PTPRD: variants seen among roughly 807,000 people sequenced by gnomAD.
PTPRD encodes the protein protein tyrosine phosphatase receptor type D.
In PTPRD, 34 loss-of-function variants were observed where a neutral mutation model predicts 214.5. The observed-to-expected ratio is 0.16, with a 90% CI of 0.12 to 0.21. PTPRD has a LOEUF of 0.21. Among genes scored for constraint, PTPRD ranks in the 10% least tolerant of loss-of-function variants. The probability of loss-of-function intolerance (pLI) is 1.00; values close to 1 mark genes in which losing one functional copy is unlikely to be tolerated. For synonymous variants in PTPRD, 1,128 were observed against 845.7 expected (o/e 1.33, Z -5.79); for missense variants, 2,545 against 2,398.7 (o/e 1.06, Z -1.27).
chr9:8,702,348 G>T (rs116041219), intron 12 of PTPRD, among the ~76,000 whole-genome samples: 1,823 of 152,016 alleles, frequency 0.012, 31 homozygotes, highest in African/African-American at 0.042. Context: ...ATCTTCTGTG[G>T]TCTTTTTTTT....
intron 9 of PTPRD, among the ~76,000 whole-genome samples, chr9:9,197,703 G>A (rs2099939437): frequency 6.6e-6 from 1 of 152,182 alleles, no homozygotes; most frequent in Non-Finnish European, 1.5e-5. Context: ...GAGCCACCAT[G>A]TCCGGCCTAT....
chr9:9,102,660 A>G (rs550631585), intron 10 of PTPRD, among the ~76,000 whole-genome samples: 1 of 152,354 alleles, frequency 6.6e-6, no homozygotes, highest in East Asian at 1.9e-4. Context: ...TTTACCAATG[A>G]CAACATTTTC....
chr9:8,660,917 G>C (rs1457134509), intron 12 of PTPRD, among the ~76,000 whole-genome samples: 1 of 151,892 alleles, frequency 6.6e-6, no homozygotes, highest in East Asian at 1.9e-4. Context: ...CCTTCATATG[G>C]CATCTCAGAC....
intron 3 of PTPRD, among the ~76,000 whole-genome samples, chr9:10,326,713 G>T (rs1313914149): frequency 6.6e-6 from 1 of 151,394 alleles, no homozygotes; most frequent in Non-Finnish European, 1.5e-5. Context: ...CTCAGAAAAT[G>T]CCTCTTTCAT....
intron 2 of PTPRD, among the ~76,000 whole-genome samples, chr9:10,421,862 C>T (rs1021240636): frequency 6.6e-6 from 1 of 151,574 alleles, no homozygotes; most frequent in African/African-American, 2.4e-5. Context: ...TATTCATATG[C>T]CAATAACAGC....
chr9:10,241,729 T>C (rs1335229259), intron 3 of PTPRD, among the ~76,000 whole-genome samples: 1 of 151,870 alleles, frequency 6.6e-6, no homozygotes, highest in African/African-American at 2.4e-5. Flanking sequence ...ACCAAGAAAC[T>C]TTTGGGGATG....
chr9:10,100,008 C>A (rs116891094), intron 3 of PTPRD, among the ~76,000 whole-genome samples: 1 of 151,664 alleles, frequency 6.6e-6, no homozygotes, highest in South Asian at 2.1e-4. Context: ...AATTCACCTT[C>A]TCCCAAATGT....
At chr9:9,114,353 G>A (rs554403357) in intron 10 of PTPRD, among the ~76,000 whole-genome samples, 7 of 152,102 alleles carry the variant, frequency 4.6e-5, no homozygotes, top group Non-Finnish European at 7.4e-5. Context: ...GATAAGAATC[G>A]TTTTTAGAGG....
intron 9 of PTPRD, among the ~76,000 whole-genome samples, chr9:9,311,968 T>C (rs1959152474): frequency 6.6e-6 from 1 of 152,232 alleles, no homozygotes; most frequent in African/African-American, 2.4e-5. Flanking sequence ...TTATAAATTA[T>C]GCTAAATGTA....
Position 8,685,626 on chromosome 9 carries a change from C to A in PTPRD, c.64+48154G>T, listed in dbSNP as rs142805156. 5.1e-3 allele frequency among the ~76,000 whole-genome samples: 781 copies of A among 152,220 alleles called. 8 individuals are homozygous for A. Among genetic ancestry groups the A allele is most frequent in the East Asian group, 0.015 (78 of 5,164 alleles). Reference sequence around the variant, plus strand: ...TTACCATAAATGGCCTGTTTTAAAACTGACTGAACAGTGGACTTGAATAAA... The same window carrying A: ...TTACCATAAATGGCCTGTTTTAAAAATGACTGAACAGTGGACTTGAATAAA... On this transcript the variant is annotated intron_variant, in intron 12 of 45. Transcript: ENST00000381196.
At chr9:10,280,564 T>G (rs1429192234) in intron 3 of PTPRD, among the ~76,000 whole-genome samples, 5 of 152,140 alleles carry the variant, frequency 3.3e-5, no homozygotes, top group African/African-American at 7.2e-5. Context: ...TGGGCTCCAC[T>G]CCCAGAGTCT....
intron 14 of PTPRD, among the ~76,000 whole-genome samples, chr9:8,551,395 T>C (rs2082068382): frequency 6.6e-6 from 1 of 152,228 alleles, no homozygotes; most frequent in Non-Finnish European, 1.5e-5. Context: ...ATTTTATTTT[T>C]GCTGTTTTCA....
intron 5 of PTPRD, among the ~76,000 whole-genome samples, chr9:9,791,978 CT>C (rs1565297948): frequency 1.3e-5 from 2 of 151,946 alleles, no homozygotes. Context: ...AGCACTGCAT[CT>C]AGAGTTCTGT....
intron 7 of PTPRD, among the ~76,000 whole-genome samples, chr9:9,588,422 G>T (rs1015543349): frequency 2.0e-5 from 3 of 151,906 alleles, no homozygotes; most frequent in African/African-American, 7.2e-5. Context: ...GTCTCTGGGA[G>T]AACAGCCAAT....
At chr9:9,302,104 C>T (rs1031578000) in intron 9 of PTPRD, among the ~76,000 whole-genome samples, 1 of 151,890 alleles carries the variant, frequency 6.6e-6, no homozygotes, top group Non-Finnish European at 1.5e-5. Context: ...CAAGGGTTAT[C>T]TATATGGTTA....
intron 34 of PTPRD, among the ~76,000 whole-genome samples, chr9:8,443,738 C>T (rs1431889750): frequency 1.3e-5 from 2 of 152,100 alleles, no homozygotes; most frequent in African/African-American, 2.4e-5. Flanking sequence ...ATTGAATATG[C>T]AGGCAGAGGG....
At chr9:9,338,510 T>G (rs2045501502) in intron 9 of PTPRD, among the ~76,000 whole-genome samples, 1 of 152,136 alleles carries the variant, frequency 6.6e-6, no homozygotes, top group South Asian at 2.1e-4. Context: ...TTTTTATATT[T>G]TATAAGATAT....
In PTPRD at chr9:9,339,442, C is replaced by T. The variant is rs192204923; in HGVS notation, c.-203+58007G>A. Among the ~76,000 whole-genome samples, 302 of 152,136 alleles carry T rather than the reference C, an allele frequency of 2.0e-3. 3 individuals carry two copies. The highest frequency in any genetic ancestry group is 7.0e-3 in the African/African-American group (289 of 41,510). ...AGGAGCTTGCAGTGAGCCGAGATCT[C>T]GCCACTGCACTCCAGACTTTCTTCT... On this transcript the variant is annotated intron_variant, in intron 9 of 45. Coordinates refer to ENST00000381196, the MANE Select transcript of PTPRD (RefSeq NM_002839.4).
intron 9 of PTPRD, among the ~76,000 whole-genome samples, chr9:9,378,118 T>C (rs1407491920): frequency 6.6e-6 from 1 of 152,106 alleles, no homozygotes; most frequent in Non-Finnish European, 1.5e-5. Flanking sequence ...GGGTTCGCTC[T>C]TGGTGTTATA....
Sources: allele counts gnomAD v4.1 joint callset (sites outside exome capture counted in the v4.1 genomes callset), GRCh38; gene constraint gnomAD v4.1.1; transcripts MANE v1.5; gene names NCBI Gene and HGNC (gene_info 2026-07-23, HGNC 2026-07-21).